Variants in LRMDA observed in about 807,000 individuals in gnomAD.
LRMDA encodes leucine rich melanocyte differentiation associated.
Under a neutral mutation model 29.8 loss-of-function variants are expected in LRMDA, and 18 were observed. The observed-to-expected ratio is 0.60, with a 90% CI of 0.42 to 0.90. The LOEUF (loss-of-function observed/expected upper bound fraction) is 0.90. Among genes scored for constraint, LRMDA ranks in the 40% least tolerant of loss-of-function variants. The probability of loss-of-function intolerance (pLI) is 0.00; values close to 1 mark genes in which losing one functional copy is unlikely to be tolerated. For missense variants in LRMDA, 273 were observed against 273.9 expected, an observed-to-expected ratio of 1.00 and a Z score of 0.02; for synonymous variants, 125 against 109.4, an observed-to-expected ratio of 1.14 and a Z score of -0.89.
intron 6 of LRMDA, among the ~76,000 whole-genome samples, chr10:76,428,871 G>A (rs1842158694): frequency 6.6e-6 from 1 of 152,148 alleles, no homozygotes; most frequent in African/African-American, 2.4e-5. Context: ...TTGAGAAGGG[G>A]TTAATTGAGG....
intron 2 of LRMDA, among the ~76,000 whole-genome samples, chr10:75,445,786 T>A (rs1464603993): frequency 1.3e-5 from 2 of 152,248 alleles, no homozygotes; most frequent in Non-Finnish European, 2.9e-5. Context: ...AATATTCCCA[T>A]GTCAACCTGG....
At chr10:76,392,047 G>A (rs1384422611) in intron 6 of LRMDA, among the ~76,000 whole-genome samples, 7 of 152,188 alleles carry the variant, frequency 4.6e-5, no homozygotes, top group Non-Finnish European at 1.0e-4. Context: ...CTGAGCAGTA[G>A]TTTTGACAGA....
rs890049943 is a variant in LRMDA at position 76,559,743 on chromosome 10, C to G, written c.*2455C>G. On this transcript the variant is annotated 3_prime_UTR_variant, in exon 7 of 7. Coordinates refer to ENST00000611255, the MANE Select transcript of LRMDA (RefSeq NM_001305581.2). Reference sequence around the variant, plus strand: ...TTTTGTACCCCCTTTACCCTTTGGTCTTTCTTCCTTTTATCCTATTCCACT... The same window carrying G: ...TTTTGTACCCCCTTTACCCTTTGGTGTTTCTTCCTTTTATCCTATTCCACT... The G allele has an allele frequency of 3.9e-5, 6 of 152,212 alleles. No individual in the cohort carries two copies. The highest frequency in any genetic ancestry group is 1.4e-4 in the African/African-American group (6 of 41,454). 9.4% of individuals were successfully genotyped at this position (152,212 alleles called of 1,614,324 possible).
chr10:76,448,979 C>T (rs1842379596), intron 6 of LRMDA, among the ~76,000 whole-genome samples: 1 of 151,822 alleles, frequency 6.6e-6, no homozygotes, highest in Admixed American at 6.6e-5. Flanking sequence ...AGGAAATCCC[C>T]AGATTTATTT....
intron 2 of LRMDA, among the ~76,000 whole-genome samples, chr10:75,982,992 A>G (rs1407573348): frequency 6.6e-6 from 1 of 152,206 alleles, no homozygotes; most frequent in East Asian, 1.9e-4. Flanking sequence ...ATCTTGCTCA[A>G]GGTCACATAG....
At chr10:76,495,757 G>A (rs866735081) in intron 6 of LRMDA, among the ~76,000 whole-genome samples, 24 of 151,710 alleles carry the variant, frequency 1.6e-4, no homozygotes, top group Non-Finnish European at 1.0e-4. Flanking sequence ...AGTATTTCAT[G>A]TATTTGGGTA....
rs573005788 is a variant in LRMDA, at chr10:75,482,893, G to A, written c.131+44399G>A. On this transcript the variant is annotated intron_variant, in intron 2 of 6. Coordinates refer to ENST00000611255, the MANE Select transcript of LRMDA (RefSeq NM_001305581.2). The stretch of plus-strand genomic sequence containing the variant: ...GAAAACATATTCCATTTGCAATCTC[G>A]AAGCAAAAATATGTTAATCACATTT... Among the ~76,000 whole-genome samples, 17 of 151,972 alleles carry A rather than the reference G, an allele frequency of 1.1e-4. No individual in the cohort carries two copies. The East Asian group carries it at 1.2e-3, about 10-fold the overall frequency.
intron 6 of LRMDA, among the ~76,000 whole-genome samples, chr10:76,545,798 G>A (rs1843414789): frequency 6.6e-6 from 1 of 151,982 alleles, no homozygotes; most frequent in African/African-American, 2.4e-5. Context: ...ATTTTAGACA[G>A]TCTTGATTTT....
chr10:75,506,870 GC>G (rs1845174121), intron 2 of LRMDA, among the ~76,000 whole-genome samples: 1 of 152,178 alleles, frequency 6.6e-6, no homozygotes, highest in Non-Finnish European at 1.5e-5. Flanking sequence ...TAGTGAAAGT[GC>G]TTTGGAAACC....
intron 5 of LRMDA, among the ~76,000 whole-genome samples, chr10:76,160,864 C>T (rs750972097): frequency 3.9e-5 from 6 of 152,156 alleles, no homozygotes; most frequent in South Asian, 4.2e-4. Context: ...AGCAGTCCCC[C>T]GTTGAGCCAT....
chr10:76,078,662 C>T (rs1005990726), intron 5 of LRMDA, among the ~76,000 whole-genome samples: 3 of 151,874 alleles, frequency 2.0e-5, no homozygotes, highest in African/African-American at 4.8e-5. Flanking sequence ...GGTGAAACCC[C>T]GTCTCTACTA....
chr10:75,682,940 C>T (rs1297279018), intron 2 of LRMDA, among the ~76,000 whole-genome samples: 1 of 152,150 alleles, frequency 6.6e-6, no homozygotes, highest in African/African-American at 2.4e-5. Flanking sequence ...GTATAAAAAA[C>T]ATAAAGCATA....
intron 2 of LRMDA, among the ~76,000 whole-genome samples, chr10:75,643,891 G>A (rs181880039): frequency 1.3e-5 from 2 of 152,278 alleles, no homozygotes; most frequent in African/African-American, 4.8e-5. Context: ...TGTGAGTCCT[G>A]TATTTTCCCC....
intron 2 of LRMDA, among the ~76,000 whole-genome samples, chr10:75,770,301 A>T (rs1843222835): frequency 6.6e-6 from 1 of 152,188 alleles, no homozygotes; most frequent in Admixed American, 6.5e-5. Context: ...TTAAAAAAGA[A>T]TTAATTTAAA....
At chr10:76,044,626 T>G (rs1848398995) in intron 3 of LRMDA, among the ~76,000 whole-genome samples, 1 of 152,156 alleles carries the variant, frequency 6.6e-6, no homozygotes. Flanking sequence ...CCAGGGATTT[T>G]GATTCCTGGC....
At chr10:75,542,859 G>A (rs752424923) in intron 2 of LRMDA, among the ~76,000 whole-genome samples, 4 of 152,150 alleles carry the variant, frequency 2.6e-5, no homozygotes, top group Admixed American at 6.5e-5. Flanking sequence ...CAGGCCCTTC[G>A]GAAATCTCCT....
rs35154017 is a variant in LRMDA at position 75,887,544 on chromosome 10, CT to C, written c.132-148454del. ...CTTGTAAGCCAAATCCTGTTGCTAC[CT>C]TTTTTTTTTGTAAATAAAGTTTTAT... On this transcript the variant is annotated intron_variant, in intron 2 of 6. Transcript: ENST00000611255. Among the ~76,000 whole-genome samples, 77 of 148,096 alleles carry C rather than the reference CT, an allele frequency of 5.2e-4. No homozygotes were observed. The East Asian group carries it at 9.8e-3, about 19-fold the overall frequency.
chr10:76,185,950 C>T (rs1417356116), intron 5 of LRMDA, among the ~76,000 whole-genome samples: 1 of 152,156 alleles, frequency 6.6e-6, no homozygotes, highest in Non-Finnish European at 1.5e-5. Flanking sequence ...AGCAAAACCT[C>T]ATGTTTAATC....
intron 5 of LRMDA, among the ~76,000 whole-genome samples, chr10:76,181,052 C>T (rs967456847): frequency 2.1e-4 from 32 of 152,124 alleles, no homozygotes; most frequent in African/African-American, 6.0e-4. Flanking sequence ...AAGTGTCTCC[C>T]GCTTTGCTCC....
Sources: allele counts gnomAD v4.1 joint callset (sites outside exome capture counted in the v4.1 genomes callset), GRCh38; gene constraint gnomAD v4.1.1; transcripts MANE v1.5; gene names NCBI Gene and HGNC (gene_info 2026-07-23, HGNC 2026-07-21).